Variants in SCHIP1 observed in about 807,000 individuals in gnomAD.
The protein encoded by SCHIP1 is schwannomin interacting protein 1, also known as schwannomin-interacting protein 1.
Under a neutral mutation model 29.7 loss-of-function variants are expected in SCHIP1, and 8 were observed. That is an observed-to-expected ratio of 0.27 (90% CI 0.16 to 0.49). The LOEUF (loss-of-function observed/expected upper bound fraction) is 0.49, where lower values mean the gene tolerates loss of function less well. Among genes scored for constraint, SCHIP1 ranks in the 20% least tolerant of loss-of-function variants. The pLI, the probability that SCHIP1 is intolerant of heterozygous loss-of-function variation, is 0.99. For missense variants in SCHIP1, 193 were observed against 294.6 expected, an observed-to-expected ratio of 0.66 and a Z score of 2.52; for synonymous variants, 76 against 94.9, an observed-to-expected ratio of 0.80 and a Z score of 1.16.
the SCHIP1 span, among the ~76,000 whole-genome samples, chr3:159,549,769 A>G: frequency 1.3e-5 from 2 of 152,122 alleles, no homozygotes; most frequent in Non-Finnish European, 2.9e-5. Context: ...TTCTCAGGTT[A>G]AAAGCCATAA....
At chr3:159,338,144 C>T in the SCHIP1 span, among the ~76,000 whole-genome samples, 1 of 152,140 alleles carries the variant, frequency 6.6e-6, no homozygotes, top group South Asian at 2.1e-4. Context: ...AAATGCTTGC[C>T]TTTACAATCC....
chr3:159,838,472 A>C (rs1295114432), upstream of SCHIP1, among the ~76,000 whole-genome samples: 5 of 152,202 alleles, frequency 3.3e-5, no homozygotes, highest in African/African-American at 1.2e-4. Context: ...CATAAATAGA[A>C]CATAGGACAG....
chr3:159,411,410 C>A, the SCHIP1 span, among the ~76,000 whole-genome samples: 1 of 151,908 alleles, frequency 6.6e-6, no homozygotes, highest in East Asian at 1.9e-4. Context: ...AATATGTATA[C>A]CTACTCTGTG....
the SCHIP1 span, among the ~76,000 whole-genome samples, chr3:159,318,976 C>T: frequency 6.6e-6 from 1 of 152,148 alleles, no homozygotes; most frequent in African/African-American, 2.4e-5. Context: ...GGCCTTGCTC[C>T]AAAATCCTAG....
the SCHIP1 span, among the ~76,000 whole-genome samples, chr3:159,507,365 C>G: frequency 1.3e-5 from 2 of 152,098 alleles, no homozygotes; most frequent in South Asian, 2.1e-4. Context: ...GGAGATTTTG[C>G]GCTGAGTCGA....
chr3:159,308,313 G>A, the SCHIP1 span, among the ~76,000 whole-genome samples: 7 of 151,958 alleles, frequency 4.6e-5, no homozygotes, highest in African/African-American at 1.5e-4. Context: ...GAATCAATAG[G>A]GAACTTAAAT....
At chr3:159,592,946 A>G in the SCHIP1 span, among the ~76,000 whole-genome samples, 1 of 152,124 alleles carries the variant, frequency 6.6e-6, no homozygotes, top group Admixed American at 6.6e-5. Flanking sequence ...ACAAATTAAC[A>G]GTTATCGAGC....
the SCHIP1 span, among the ~76,000 whole-genome samples, chr3:159,411,769 C>T: frequency 2.2e-4 from 34 of 152,190 alleles, no homozygotes; most frequent in African/African-American, 7.0e-4. Flanking sequence ...TTCATGTAAC[C>T]TTGCAACAGT....
the SCHIP1 span, among the ~76,000 whole-genome samples, chr3:159,548,978 G>T: frequency 2.0e-5 from 3 of 152,078 alleles, no homozygotes; most frequent in Non-Finnish European, 4.4e-5. Flanking sequence ...CATTGTGATT[G>T]TTATGCTGTA....
the SCHIP1 span, among the ~76,000 whole-genome samples, chr3:159,298,911 T>G: frequency 6.6e-4 from 101 of 152,312 alleles, no homozygotes; most frequent in Non-Finnish European, 1.1e-3. Context: ...GAGTTTTTTG[T>G]TTTTGGCCCC....
At chr3:159,668,451 C>T in the SCHIP1 span, among the ~76,000 whole-genome samples, 1 of 150,456 alleles carries the variant, frequency 6.6e-6, no homozygotes, top group Non-Finnish European at 1.5e-5. Flanking sequence ...AGTAGGCATT[C>T]AAGAAACCTG....
the SCHIP1 span, among the ~76,000 whole-genome samples, chr3:159,661,741 G>A: frequency 2.6e-5 from 4 of 152,110 alleles, no homozygotes; most frequent in Non-Finnish European, 2.9e-5. Flanking sequence ...AATAATCCCT[G>A]AATCCTGGTG....
At chr3:159,374,253 A>G in the SCHIP1 span, among the ~76,000 whole-genome samples, 1 of 152,130 alleles carries the variant, frequency 6.6e-6, no homozygotes, top group African/African-American at 2.4e-5. Flanking sequence ...CTCTATTTGT[A>G]CTTTGCTCTG....
chr3:159,570,106 T>C, the SCHIP1 span, among the ~76,000 whole-genome samples: 2 of 152,238 alleles, frequency 1.3e-5, no homozygotes, highest in Admixed American at 1.3e-4. Flanking sequence ...CTCTTCACTC[T>C]GATGGTAGTT....
the SCHIP1 span, among the ~76,000 whole-genome samples, chr3:159,531,629 G>T: frequency 9.9e-5 from 15 of 152,254 alleles, no homozygotes; most frequent in East Asian, 2.9e-3. Context: ...CAATGCAAAA[G>T]TATGTAAGTC....
chr3:159,349,255 T>C, the SCHIP1 span, among the ~76,000 whole-genome samples: 2 of 152,222 alleles, frequency 1.3e-5, no homozygotes, highest in Admixed American at 6.5e-5. Flanking sequence ...TTCACCCATG[T>C]CGTGCAAGCG....
chr3:159,318,016 A>G, the SCHIP1 span, among the ~76,000 whole-genome samples: 1 of 152,150 alleles, frequency 6.6e-6, no homozygotes, highest in South Asian at 2.1e-4. Flanking sequence ...TTGGGCACTC[A>G]GGAGTGGCTG....
the SCHIP1 span, among the ~76,000 whole-genome samples, chr3:159,346,268 G>A: frequency 7.5e-6 from 1 of 133,244 alleles, no homozygotes; most frequent in African/African-American, 2.9e-5. Context: ...ACCCTTTCAG[G>A]TTTTTTTTTT....
At chr3:159,776,700 T>C in the SCHIP1 span, among the ~76,000 whole-genome samples, 1 of 152,250 alleles carries the variant, frequency 6.6e-6, no homozygotes, top group Non-Finnish European at 1.5e-5. Flanking sequence ...ATTTTTCTTG[T>C]GTCTCATATA....
Sources: gnomAD v4.1 joint callset for allele counts (sites outside exome capture counted in the v4.1 genomes callset) on GRCh38, gnomAD v4.1.1 for gene constraint, MANE v1.5 for transcripts, NCBI Gene and HGNC (gene_info 2026-07-23, HGNC 2026-07-21) for gene names.